ANO10: variants seen among roughly 807,000 people sequenced by gnomAD.
The protein encoded by ANO10 is anoctamin-10.
A neutral mutation model predicts 74.7 loss-of-function variants in ANO10; 77 were observed. The observed-to-expected ratio is 1.03, with a 90% confidence interval of 0.86 to 1.25. The LOEUF (loss-of-function observed/expected upper bound fraction) is 1.25, where lower values mean the gene tolerates loss of function less well. ANO10 is among the 50% of genes most tolerant of loss of function. The probability of loss-of-function intolerance (pLI) is 0.00; values close to 1 mark genes in which losing one functional copy is unlikely to be tolerated. For missense variants in ANO10, 721 were observed against 778.1 expected (o/e 0.93, Z 0.87); for synonymous variants, 279 against 284.9 (o/e 0.98, Z 0.21).
At chr3:43,394,255 G>A (rs2092334837) in intron 12 of ANO10, among the ~76,000 whole-genome samples, 1 of 152,114 alleles carries the variant, frequency 6.6e-6, no homozygotes, top group South Asian at 2.1e-4. Flanking sequence ...ATGGTCAGCA[G>A]CACATTTCCT....
intron 7 of ANO10, among the ~76,000 whole-genome samples, chr3:43,566,212 G>A (rs2080329342): frequency 6.6e-6 from 1 of 152,212 alleles, no homozygotes; most frequent in Non-Finnish European, 1.5e-5. Context: ...CTGATTGCTA[G>A]CACAGCAGTC....
intron 12 of ANO10, among the ~76,000 whole-genome samples, chr3:43,407,069 A>C (rs1363128256): frequency 6.6e-6 from 1 of 151,960 alleles, no homozygotes; most frequent in African/African-American, 2.4e-5. Context: ...ACACCCGGCT[A>C]ATTTTTGTAT....
intron 11 of ANO10, among the ~76,000 whole-genome samples, chr3:43,470,614 T>TTATG (rs2075815292): frequency 6.7e-6 from 1 of 148,702 alleles, no homozygotes; most frequent in African/African-American, 2.5e-5. Context: ...ATTTATTTAT[T>TTATG]TATTTATTTA....
intron 12 of ANO10, among the ~76,000 whole-genome samples, chr3:43,404,802 G>A (rs775461066): frequency 6.8e-6 from 1 of 146,146 alleles, no homozygotes; most frequent in Non-Finnish European, 1.5e-5. Flanking sequence ...AAGATCATTT[G>A]AGCCCAGGAA....
At chr3:43,496,956 T>C (rs1166008110) in intron 11 of ANO10, among the ~76,000 whole-genome samples, 2 of 152,210 alleles carry the variant, frequency 1.3e-5, no homozygotes, top group Non-Finnish European at 2.9e-5. Flanking sequence ...CCCCCAGCTA[T>C]GGAATTTCCT....
rs147046355 is a variant in ANO10 at position 43,516,771 on chromosome 3, C to A, written c.1797+32949G>T. ...TAAGCAGGTGGGAGAGAAAAGAGAT[C>A]TCCAAAGGAAAAGAGCACAGCTGAA... On this transcript the variant is annotated intron_variant, in intron 11 of 12. Coordinates refer to ENST00000292246, the MANE Select transcript of ANO10 (RefSeq NM_018075.5). Among the ~76,000 whole-genome samples, 609 of 152,226 alleles carry A rather than the reference C, an allele frequency of 4.0e-3. 6 individuals carry two copies. Among genetic ancestry groups the A allele is most frequent in the African/African-American group, 0.014 (583 of 41,538 alleles).
chr3:43,592,239 G>A (rs1431582562), intron 4 of ANO10, among the ~76,000 whole-genome samples: 1 of 152,186 alleles, frequency 6.6e-6, no homozygotes, highest in Admixed American at 6.5e-5. Context: ...TGACAGCTTT[G>A]AAGAGAGTAG....
At chr3:43,577,330 G>T in intron 5 of ANO10, 69 bp from the exon 6 acceptor site, 1 of 1,457,690 alleles carries the variant, frequency 6.9e-7, no homozygotes, top group Non-Finnish European at 9.5e-7. Context: ...TTTCAAGTAC[G>T]CTTATTCATT....
At chr3:43,457,391 A>C (rs553687527) in intron 11 of ANO10, among the ~76,000 whole-genome samples, 1 of 152,348 alleles carries the variant, frequency 6.6e-6, no homozygotes, top group Admixed American at 6.5e-5. Flanking sequence ...AGGCCTCAGG[A>C]AACTTACAAT....
At chr3:43,487,288 GA>G (rs931140717) in intron 11 of ANO10, among the ~76,000 whole-genome samples, 46 of 152,308 alleles carry the variant, frequency 3.0e-4, no homozygotes, top group African/African-American at 9.9e-4. Flanking sequence ...GTCCCTGCCT[GA>G]CTTTGGTATC....
intron 7 of ANO10, among the ~76,000 whole-genome samples, chr3:43,566,102 C>T (rs988892223): frequency 2.6e-5 from 4 of 152,144 alleles, no homozygotes; most frequent in African/African-American, 7.2e-5. Flanking sequence ...CGGGTCACTC[C>T]CACCAGAATA....
chr3:43,486,710 C>T (rs9809733), intron 11 of ANO10, among the ~76,000 whole-genome samples: 2 of 149,352 alleles, frequency 1.3e-5, no homozygotes, highest in African/African-American at 4.9e-5. Context: ...TGGGCTGAGA[C>T]AATGGGGTTT....
At chr3:43,465,764 G>C (rs1476154745) in intron 11 of ANO10, among the ~76,000 whole-genome samples, 1 of 152,118 alleles carries the variant, frequency 6.6e-6, no homozygotes, top group South Asian at 2.1e-4. Flanking sequence ...AATTGGAAAT[G>C]GATATTTAGG....
chr3:43,521,078 G>C (rs2077934858), intron 11 of ANO10, among the ~76,000 whole-genome samples: 1 of 152,082 alleles, frequency 6.6e-6, no homozygotes, highest in Non-Finnish European at 1.5e-5. Flanking sequence ...ATTTACAAGA[G>C]CACATCACCT....
chr3:43,630,838 T>C (rs2083538388), intron 1 of ANO10, among the ~76,000 whole-genome samples: 1 of 152,258 alleles, frequency 6.6e-6, no homozygotes, highest in African/African-American at 2.4e-5. Flanking sequence ...TTAGTGTCTG[T>C]TCTTTCATGG....
intron 1 of ANO10, among the ~76,000 whole-genome samples, chr3:43,686,383 C>A (rs1263688999): frequency 6.6e-6 from 1 of 152,144 alleles, no homozygotes; most frequent in Admixed American, 6.5e-5. Context: ...CCTCCCTGGG[C>A]TCAAAGGATC....
At chr3:43,511,332 CA>C (rs2149182315) in intron 11 of ANO10, among the ~76,000 whole-genome samples, 1 of 152,216 alleles carries the variant, frequency 6.6e-6, no homozygotes, top group South Asian at 2.1e-4. Flanking sequence ...ATTGACTTCA[CA>C]ATATCTGCAA....
At chr3:43,572,621 A>G (rs1482927622) in intron 7 of ANO10, among the ~76,000 whole-genome samples, 1 of 152,096 alleles carries the variant, frequency 6.6e-6, no homozygotes, top group Non-Finnish European at 1.5e-5. Flanking sequence ...GGGATTACCA[A>G]TCAAGGGGAT....
At chr3:43,640,504 A>T (rs981213106) in intron 1 of ANO10, among the ~76,000 whole-genome samples, 1 of 152,192 alleles carries the variant, frequency 6.6e-6, no homozygotes, top group Non-Finnish European at 1.5e-5. Flanking sequence ...GCCTTTGCAC[A>T]GGAATCATGC....
Sources: allele counts gnomAD v4.1 joint callset (sites outside exome capture counted in the v4.1 genomes callset), GRCh38; gene constraint gnomAD v4.1.1; transcripts MANE v1.5; gene names NCBI Gene and HGNC (gene_info 2026-07-23, HGNC 2026-07-21).